GPC6: variants seen among roughly 807,000 people sequenced by gnomAD.
The protein encoded by GPC6 is glypican 6.
Under a neutral mutation model 55.2 loss-of-function variants are expected in GPC6, and 14 were observed. The ratio of observed to expected loss-of-function variants is 0.25; its 90% CI spans 0.17 to 0.40. The LOEUF is 0.40. Ranked by LOEUF, GPC6 falls within the 10% of genes least tolerant of loss-of-function variation. The pLI, the probability that GPC6 is intolerant of heterozygous loss-of-function variation, is 1.00. For missense variants in GPC6, 641 were observed against 708.5 expected, an observed-to-expected ratio of 0.90 and a Z score of 1.08; for synonymous variants, 278 against 259.6, an observed-to-expected ratio of 1.07 and a Z score of -0.68.
chr13:94,212,768 G>T (rs182031785), intron 4 of GPC6, among the ~76,000 whole-genome samples: 1 of 152,314 alleles, frequency 6.6e-6, no homozygotes, highest in Admixed American at 6.5e-5. Flanking sequence ...TATTATTTCA[G>T]TGAATCCTCA....
At chr13:94,248,646 T>C (rs1290030490) in intron 4 of GPC6, among the ~76,000 whole-genome samples, 2 of 151,830 alleles carry the variant, frequency 1.3e-5, no homozygotes, top group Non-Finnish European at 2.9e-5. Context: ...TCCATACAAC[T>C]GCTGATATCC....
At chr13:94,130,077 T>C (rs1027436816) in intron 4 of GPC6, among the ~76,000 whole-genome samples, 1 of 152,198 alleles carries the variant, frequency 6.6e-6, no homozygotes, top group Non-Finnish European at 1.5e-5. Context: ...AAGATATATT[T>C]AATGCTCTCA....
intron 3 of GPC6, among the ~76,000 whole-genome samples, chr13:93,897,746 A>G (rs545483760): frequency 6.6e-6 from 1 of 152,236 alleles, no homozygotes; most frequent in Non-Finnish European, 1.5e-5. Context: ...TCTGTTAAAA[A>G]TCACCCACCA....
intron 2 of GPC6, among the ~76,000 whole-genome samples, chr13:93,692,661 A>C (rs1882300720): frequency 6.6e-6 from 1 of 151,940 alleles, no homozygotes; most frequent in South Asian, 2.1e-4. Flanking sequence ...CTCTTTTTTC[A>C]GTTAAATTTT....
chr13:94,075,089 G>T (rs568352598), intron 4 of GPC6, among the ~76,000 whole-genome samples: 1 of 152,048 alleles, frequency 6.6e-6, no homozygotes, highest in Non-Finnish European at 1.5e-5. Context: ...AAATATCTTT[G>T]TATTTATCAT....
chr13:93,231,382 T>TATAA (rs1555336134), intron 1 of GPC6, among the ~76,000 whole-genome samples: 1 of 26,786 alleles, frequency 3.7e-5, no homozygotes, highest in Admixed American at 4.8e-4. Context: ...TATATATACA[T>TATAA]ATATATATAT....
intron 4 of GPC6, among the ~76,000 whole-genome samples, chr13:94,201,810 G>A (rs375127958): frequency 5.3e-5 from 8 of 152,012 alleles, no homozygotes; most frequent in Non-Finnish European, 8.8e-5. Flanking sequence ...TTAGCTGGGC[G>A]TGGTGGCGGG....
intron 2 of GPC6, among the ~76,000 whole-genome samples, chr13:93,574,652 A>T (rs1406490757): frequency 1.3e-5 from 2 of 152,130 alleles, no homozygotes; most frequent in Non-Finnish European, 2.9e-5. Flanking sequence ...GAGATGTGCA[A>T]CCATCACCAC....
chr13:93,842,782 A>G (rs1203853873), intron 3 of GPC6, among the ~76,000 whole-genome samples: 1 of 152,064 alleles, frequency 6.6e-6, no homozygotes, highest in Non-Finnish European at 1.5e-5. Context: ...AGTCACCAGG[A>G]TATTTATTTT....
chr13:93,794,905 C>T (rs1049498037), intron 2 of GPC6, among the ~76,000 whole-genome samples: 2 of 152,154 alleles, frequency 1.3e-5, no homozygotes, highest in African/African-American at 4.8e-5. Flanking sequence ...GCTCTTCAAG[C>T]GTGCTTTATA....
chr13:94,277,339 C>A (rs547938717), intron 4 of GPC6, among the ~76,000 whole-genome samples: 4 of 151,240 alleles, frequency 2.6e-5, no homozygotes, highest in Non-Finnish European at 5.9e-5. Flanking sequence ...AGACCTTTGT[C>A]AGATGGGTAG....
intron 1 of GPC6, among the ~76,000 whole-genome samples, chr13:93,408,909 C>G (rs1340931525): frequency 2.0e-5 from 3 of 151,846 alleles, no homozygotes; most frequent in African/African-American, 7.3e-5. Flanking sequence ...AAATCCCAGC[C>G]TATGCAATGA....
At chr13:93,384,746 C>T (rs777869721) in intron 1 of GPC6, among the ~76,000 whole-genome samples, 1 of 152,204 alleles carries the variant, frequency 6.6e-6, no homozygotes, top group Non-Finnish European at 1.5e-5. Flanking sequence ...TGTCTATGAA[C>T]ACTTTCATGC....
At chr13:94,170,428 G>T (rs376707518) in intron 4 of GPC6, among the ~76,000 whole-genome samples, 34 of 152,318 alleles carry the variant, frequency 2.2e-4, no homozygotes, top group Middle Eastern at 6.8e-3. Flanking sequence ...TGGTGAGGTT[G>T]TGAGGTGGCT....
intron 3 of GPC6, among the ~76,000 whole-genome samples, chr13:93,869,584 C>T (rs1889067426): frequency 1.3e-5 from 2 of 151,890 alleles, no homozygotes; most frequent in South Asian, 2.1e-4. Context: ...CCTAAAATGG[C>T]ATTGCAGTCA....
intron 2 of GPC6, among the ~76,000 whole-genome samples, chr13:93,694,763 A>G (rs1452618415): frequency 6.6e-6 from 1 of 152,172 alleles, no homozygotes; most frequent in Non-Finnish European, 1.5e-5. Flanking sequence ...TGAAGATGAC[A>G]TTGCTGAAGC....
At chr13:94,018,943 A>C (rs1253256261) in intron 3 of GPC6, among the ~76,000 whole-genome samples, 1 of 151,840 alleles carries the variant, frequency 6.6e-6, no homozygotes, top group African/African-American at 2.4e-5. Context: ...CCATTCCCCC[A>C]CCCCCACACC....
At chr13:93,844,872 A>G (rs55654806) in intron 3 of GPC6, among the ~76,000 whole-genome samples, 6,083 of 149,440 alleles carry the variant, frequency 0.041, 249 homozygotes, top group East Asian at 0.15. Context: ...TGGCTAGCCA[A>G]TTTTCCCAGC....
intron 7 of GPC6, among the ~76,000 whole-genome samples, chr13:94,383,165 G>C (rs1880248006): frequency 6.6e-6 from 1 of 152,112 alleles, no homozygotes; most frequent in African/African-American, 2.4e-5. Context: ...TGTTGATTCA[G>C]CCCAGAAACG....
Sources: gnomAD v4.1 joint callset for allele counts (sites outside exome capture counted in the v4.1 genomes callset) on GRCh38, gnomAD v4.1.1 for gene constraint, MANE v1.5 for transcripts, NCBI Gene and HGNC (gene_info 2026-07-23, HGNC 2026-07-21) for gene names.